The following APAF1 variants were observed in gnomAD, a reference collection of about 807,000 sequenced individuals.
The protein encoded by APAF1 is apoptotic protease-activating factor 1.
In APAF1, 91 loss-of-function variants were observed where a neutral mutation model predicts 152.4. The observed-to-expected ratio is 0.60, with a 90% CI of 0.50 to 0.71. APAF1 has a LOEUF of 0.71. APAF1 is among the 30% of genes least tolerant of loss of function. APAF1 has a pLI of 0.00. For missense variants in APAF1, 1,283 were observed against 1,472.0 expected, an observed-to-expected ratio of 0.87 and a Z score of 2.10; for synonymous variants, 484 against 494.1, an observed-to-expected ratio of 0.98 and a Z score of 0.27.
At chr12:98,656,364 A>G (rs2097657656) in intron 4 of APAF1, among the ~76,000 whole-genome samples, 2 of 152,226 alleles carry the variant, frequency 1.3e-5, no homozygotes, top group African/African-American at 2.4e-5. Context: ...CTGTTTCATA[A>G]CTGCAAACTT....
intron 16 of APAF1, among the ~76,000 whole-genome samples, chr12:98,697,873 G>A (rs1201909030): frequency 2.0e-5 from 3 of 152,080 alleles, no homozygotes; most frequent in African/African-American, 7.2e-5. Context: ...CATTTTGTAG[G>A]GTATCATGTT....
At position 98,662,480 on chromosome 12, in the gene APAF1, T is replaced by C; in HGVS notation, c.735T>C (p.Val245=). The C allele has an allele frequency of 6.2e-7, 1 of 1,613,458 alleles. No homozygotes were observed. Among genetic ancestry groups the C allele is most frequent in the Non-Finnish European group, 8.5e-7 (1 of 1,179,566 alleles). ...GGTCTCTCTTGATCTTGGATGATGT[T>C]TGGGACTCTTGGGTGTTGAAAGCTT... is the stretch of plus-strand genomic sequence containing the variant. The part of the protein sequence containing the change: ...HPRSLLILDD[V]WDSWVLKAFD... The change falls in exon 6 of 27, where the codon GTT becomes GTC. Residue 245 remains valine (V), a synonymous_variant. Coordinates refer to ENST00000551964, the MANE Select transcript of APAF1 (RefSeq NM_181861.2).
intron 17 of APAF1, 33 bp from the exon 18 acceptor site, chr12:98,703,338 T>A (rs753427373): frequency 1.2e-6 from 2 of 1,612,520 alleles, no homozygotes; most frequent in Non-Finnish European, 1.7e-6. Flanking sequence ...TAAAGTATTT[T>A]ACCTTCATAG....
chr12:98,657,864 A>G (rs997729363), intron 4 of APAF1, among the ~76,000 whole-genome samples: 1 of 152,230 alleles, frequency 6.6e-6, no homozygotes, highest in Non-Finnish European at 1.5e-5. Flanking sequence ...AGTGTGCTAT[A>G]GGATTAAATG....
intron 26 of APAF1, among the ~76,000 whole-genome samples, chr12:98,727,674 C>CTCA (rs1704164966): frequency 6.6e-6 from 1 of 152,126 alleles, no homozygotes; most frequent in Admixed American, 6.5e-5. Context: ...GGCACGGTGG[C>CTCA]TCACGCCTGT....
At chr12:98,717,032 A>T (rs1167793231) in intron 22 of APAF1, among the ~76,000 whole-genome samples, 1 of 151,280 alleles carries the variant, frequency 6.6e-6, no homozygotes, top group Non-Finnish European at 1.5e-5. Flanking sequence ...TGCCAAGCTA[A>T]TTTTTTGTAT....
chr12:98,718,215 ATTCTT>A (rs953601603), intron 22 of APAF1, among the ~76,000 whole-genome samples: 18 of 151,610 alleles, frequency 1.2e-4, no homozygotes, highest in Admixed American at 2.0e-4. Context: ...TTCAACAGCA[ATTCTT>A]TTCTTTTCTT....
chr12:98,708,821 A>G, intron 20 of APAF1, 117 bp downstream of exon 20: 1 of 942,374 alleles, frequency 1.1e-6, no homozygotes, highest in Admixed American at 2.4e-5. Flanking sequence ...ACAGGTGTCC[A>G]GCAGACATTA....
At chr12:98,714,587 A>T (rs2097731775) in intron 21 of APAF1, among the ~76,000 whole-genome samples, 1 of 152,288 alleles carries the variant, frequency 6.6e-6, no homozygotes, top group African/African-American at 2.4e-5. Flanking sequence ...CTGTTATGCT[A>T]TCCTGCCCTT....
intron 4 of APAF1, among the ~76,000 whole-genome samples, chr12:98,658,761 G>C (rs1593028330): frequency 6.6e-6 from 1 of 152,168 alleles, no homozygotes; most frequent in East Asian, 1.9e-4. Context: ...CTAGTGGATA[G>C]AGACCAAAAA....
intron 16 of APAF1, among the ~76,000 whole-genome samples, chr12:98,693,299 G>A (rs2097706317): frequency 6.6e-6 from 1 of 151,472 alleles, no homozygotes; most frequent in South Asian, 2.1e-4. Flanking sequence ...TTACTACGTT[G>A]GCCAGGCTGG....
intron 11 of APAF1, 42 bp downstream of exon 11, chr12:98,671,128 TC>T: frequency 8.2e-7 from 1 of 1,218,518 alleles, no homozygotes; most frequent in Admixed American, 1.7e-5. Context: ...AAAAGGAATC[TC>T]ATTTTTTTTT....
At position 98,665,684 on chromosome 12, in the gene APAF1, GCT is replaced by G; in HGVS notation, c.1090_1091del (p.Leu364ArgfsTer2). The stretch of plus-strand genomic sequence containing the variant: ...GAAATCTTCGTCTTATGATTATGAG[GCT>G]CTAGATGAAGCCATGTCTATAAGTG... ...IRKSSSYDYE[A>X]LDEAMSISVE... On this transcript the variant is annotated frameshift_variant, in exon 8 of 27. Coordinates refer to ENST00000551964, the MANE Select transcript of APAF1 (RefSeq NM_181861.2). LOFTEE classifies it high-confidence loss of function. The G allele has an allele frequency of 6.2e-7, 1 of 1,613,586 alleles. No homozygotes were observed. Among genetic ancestry groups the G allele is most frequent in the Non-Finnish European group, 8.5e-7 (1 of 1,179,688 alleles).
chr12:98,715,055 C>T (rs983334395), intron 21 of APAF1, among the ~76,000 whole-genome samples: 2 of 144,950 alleles, frequency 1.4e-5, no homozygotes, highest in African/African-American at 5.0e-5. Context: ...TTTCTTCTCT[C>T]TTATCCATCT....
Position 98,686,825 on chromosome 12 carries a change from A to T in APAF1, c.2256A>T (p.Ser752=), listed in dbSNP as rs958723550. The T allele has an allele frequency of 2.5e-6, 4 of 1,613,888 alleles. No homozygotes were observed. The highest frequency in any genetic ancestry group is 3.4e-6 in the Non-Finnish European group (4 of 1,179,952). The change falls in exon 16 of 27, where the codon TCA becomes TCT. Residue 752 remains serine (S), a synonymous_variant. Coordinates refer to ENST00000551964, the MANE Select transcript of APAF1 (RefSeq NM_181861.2). ...HTNSVNHCRF[S]PDDKLLASCS... is the part of the protein sequence containing the mutation. ...ATTCAGTCAATCACTGCAGATTTTC[A>T]CCAGATGATAAGCTTTTGGCTAGTT... is the stretch of plus-strand genomic sequence containing the variant.
intron 26 of APAF1, among the ~76,000 whole-genome samples, chr12:98,729,985 G>C (rs1192692706): frequency 6.6e-6 from 1 of 152,114 alleles, no homozygotes; most frequent in Non-Finnish European, 1.5e-5. Flanking sequence ...GAATTATAAT[G>C]TTCCCAACAC....
intron 21 of APAF1, among the ~76,000 whole-genome samples, chr12:98,714,497 T>C (rs1000959885): frequency 4.6e-5 from 7 of 152,220 alleles, no homozygotes; most frequent in Non-Finnish European, 8.8e-5. Flanking sequence ...ATGTCTAAAC[T>C]CTTATTTCCA....
At position 98,671,526 on chromosome 12, in the gene APAF1, T is replaced by G. The variant is rs755897055; in HGVS notation, c.1609-9T>G. On this transcript the variant is annotated splice_polypyrimidine_tract_variant and intron_variant, in intron 11 of 26. Transcript: ENST00000551964. ...ATTGTGTTTCTAAGAGATTTCAGTT[T>G]ATTTGTAGGATTGTGCAGTCAGTGA... 1.2e-6 allele frequency: 2 copies of G among 1,613,324 alleles called. No homozygotes were observed. The highest frequency in any genetic ancestry group is 4.5e-5 in the East Asian group (2 of 44,870).
Position 98,728,646 on chromosome 12 carries a change from C to T in APAF1, c.3600+1330C>T, listed in dbSNP as rs1162807469. On this transcript the variant is annotated intron_variant, in intron 26 of 26. Coordinates refer to ENST00000551964, the MANE Select transcript of APAF1 (RefSeq NM_181861.2). Reference sequence around the variant, plus strand: ...TGAGAGGTGAGACTCACTTGAACCCCGGGGGAGCAGAAGTTGCAGTCAGCT... The same window carrying T: ...TGAGAGGTGAGACTCACTTGAACCCTGGGGGAGCAGAAGTTGCAGTCAGCT... Among the ~76,000 whole-genome samples the T allele has an allele frequency of 7.9e-5, 12 of 152,050 alleles. No individual in the cohort carries two copies. In the East Asian group the frequency reaches 1.5e-3, roughly 20 times the overall value.
Sources: gnomAD v4.1 joint callset for allele counts (sites outside exome capture counted in the v4.1 genomes callset) on GRCh38, gnomAD v4.1.1 for gene constraint, MANE v1.5 for transcripts, NCBI Gene and HGNC (gene_info 2026-07-23, HGNC 2026-07-21) for gene names.